The following SLC39A12 variants were observed in gnomAD, a reference collection of about 807,000 sequenced individuals.
SLC39A12 encodes the protein zinc transporter ZIP12.
A neutral mutation model predicts 71.1 loss-of-function variants in SLC39A12; 63 were observed. That is an observed-to-expected ratio of 0.89 (90% CI 0.72 to 1.09). The LOEUF (loss-of-function observed/expected upper bound fraction) is 1.09, where lower values mean the gene tolerates loss of function less well. Ranked by LOEUF, SLC39A12 falls within the 50% of genes least tolerant of loss-of-function variation. SLC39A12 has a pLI of 0.00. For synonymous variants in SLC39A12, 351 were observed against 301.3 expected, an observed-to-expected ratio of 1.16 and a Z score of -1.71; for missense variants, 892 against 812.6, an observed-to-expected ratio of 1.10 and a Z score of -1.19.
chr10:17,966,002 G>T (rs558489864), intron 4 of SLC39A12, among the ~76,000 whole-genome samples: 8 of 152,352 alleles, frequency 5.3e-5, no homozygotes, highest in Non-Finnish European at 1.0e-4. Flanking sequence ...GGGACATAAT[G>T]CTGGGCCAGG....
At chr10:17,958,698 A>G (rs556525705) in intron 2 of SLC39A12, among the ~76,000 whole-genome samples, 2 of 152,304 alleles carry the variant, frequency 1.3e-5, no homozygotes, top group East Asian at 1.9e-4. Flanking sequence ...CACACATTCT[A>G]TGAGTAAACT....
intron 12 of SLC39A12, among the ~76,000 whole-genome samples, chr10:18,031,153 G>T (rs1836837089): frequency 6.8e-6 from 1 of 146,038 alleles, no homozygotes; most frequent in Non-Finnish European, 1.5e-5. Flanking sequence ...AGTCATTTGG[G>T]TATATACCCA....
At chr10:18,001,458 G>A (rs1835831978) in intron 11 of SLC39A12, among the ~76,000 whole-genome samples, 3 of 152,196 alleles carry the variant, frequency 2.0e-5, no homozygotes, top group Admixed American at 6.5e-5. Context: ...AGGTTGCAGT[G>A]AGCTGAGACT....
At chr10:18,029,166 C>A (rs1030777334) in intron 12 of SLC39A12, among the ~76,000 whole-genome samples, 1 of 152,164 alleles carries the variant, frequency 6.6e-6, no homozygotes, top group African/African-American at 2.4e-5. Flanking sequence ...CCACCGTGCC[C>A]AGCCCAAAAC....
At chr10:17,964,993 G>T (rs691563) in intron 3 of SLC39A12, among the ~76,000 whole-genome samples, 32,122 of 152,064 alleles carry the variant, frequency 0.21, 3,592 homozygotes, top group East Asian at 0.35. Context: ...GAACACCTGA[G>T]GTCAGGAGTT....
intron 11 of SLC39A12, among the ~76,000 whole-genome samples, chr10:18,001,347 T>A (rs1835828972): frequency 6.6e-6 from 1 of 152,124 alleles, no homozygotes; most frequent in African/African-American, 2.4e-5. Context: ...AAACCCCGTC[T>A]CTATTAAAAA....
chr10:17,963,126 A>G (rs1452060309), intron 3 of SLC39A12, among the ~76,000 whole-genome samples: 1 of 151,970 alleles, frequency 6.6e-6, no homozygotes, highest in Non-Finnish European at 1.5e-5. Flanking sequence ...GTGTCACTAT[A>G]CTCTACCCTG....
intron 12 of SLC39A12, among the ~76,000 whole-genome samples, chr10:18,003,989 A>G (rs1039865436): frequency 6.6e-6 from 1 of 152,238 alleles, no homozygotes; most frequent in Non-Finnish European, 1.5e-5. Context: ...TAAAATTGCA[A>G]CGTATGTTTC....
chr10:17,965,436 T>A, intron 3 of SLC39A12, 47 bp from the exon 4 acceptor site: 2 of 1,556,282 alleles, frequency 1.3e-6, no homozygotes, highest in Non-Finnish European at 1.8e-6. Flanking sequence ...AGAATCAAAA[T>A]AACTTCAGAT....
intron 2 of SLC39A12, among the ~76,000 whole-genome samples, chr10:17,957,273 T>C (rs1834575153): frequency 6.6e-6 from 1 of 152,184 alleles, no homozygotes; most frequent in South Asian, 2.1e-4. Flanking sequence ...ATTTCAAGGC[T>C]GGGTGAGACC....
intron 12 of SLC39A12, among the ~76,000 whole-genome samples, chr10:18,030,567 T>G (rs1836813635): frequency 6.6e-6 from 1 of 151,954 alleles, no homozygotes; most frequent in Non-Finnish European, 1.5e-5. Context: ...ATTGTCTGCC[T>G]TGAAAACATA....
At chr10:17,952,397 A>C (rs984030643) in intron 1 of SLC39A12, among the ~76,000 whole-genome samples, 1 of 152,124 alleles carries the variant, frequency 6.6e-6, no homozygotes, top group Admixed American at 6.5e-5. Flanking sequence ...GATTCTTAGT[A>C]AACTAAAAAA....
In SLC39A12 at chr10:17,956,109, C is replaced by T. The variant is rs532086860; in HGVS notation, c.261+2572C>T. 1.9e-4 allele frequency among the ~76,000 whole-genome samples: 29 copies of T among 152,160 alleles called. No homozygotes were observed. The South Asian group carries it at 5.4e-3, about 28-fold the overall frequency. ...TCAGGCGCCAGATGTCTGTGAGGGT[C>T]AAATGGATATATATGTGCCCCTGAG... is the stretch of plus-strand genomic sequence containing the variant. On this transcript the variant is annotated intron_variant, in intron 2 of 12. Transcript: ENST00000377369.
At chr10:18,026,217 C>T (rs900795202) in intron 12 of SLC39A12, among the ~76,000 whole-genome samples, 2 of 152,140 alleles carry the variant, frequency 1.3e-5, no homozygotes, top group Non-Finnish European at 2.9e-5. Flanking sequence ...GAATTTTTAA[C>T]ATTTCTCAGA....
At chr10:17,999,327 T>C (rs892544276) in intron 10 of SLC39A12, among the ~76,000 whole-genome samples, 2 of 145,350 alleles carry the variant, frequency 1.4e-5, no homozygotes, top group Non-Finnish European at 3.0e-5. Context: ...AAGGAAGCAT[T>C]ATGCATTCAG....
intron 6 of SLC39A12, among the ~76,000 whole-genome samples, chr10:17,984,613 G>A (rs1468186018): frequency 1.3e-5 from 2 of 152,166 alleles, no homozygotes; most frequent in Middle Eastern, 3.2e-3. Context: ...AAACTTAGTT[G>A]AAGATTTTCA....
chr10:18,021,791 G>T (rs1009981301), intron 12 of SLC39A12, among the ~76,000 whole-genome samples: 2 of 152,102 alleles, frequency 1.3e-5, no homozygotes, highest in Admixed American at 6.6e-5. Flanking sequence ...CTTCCTTAAG[G>T]ACCTCTTGGA....
chr10:18,037,182 T>G (rs1422190393), intron 12 of SLC39A12, among the ~76,000 whole-genome samples: 5 of 152,176 alleles, frequency 3.3e-5, no homozygotes, highest in Admixed American at 3.3e-4. Context: ...TTGCCTGATT[T>G]TCTGTTGGTG....
intron 6 of SLC39A12, among the ~76,000 whole-genome samples, chr10:17,983,321 T>C (rs1038686025): frequency 6.6e-6 from 1 of 151,582 alleles, no homozygotes; most frequent in Admixed American, 6.6e-5. Flanking sequence ...GGAGACCCCA[T>C]CTCTACAAAA....
Sources: gnomAD v4.1 joint callset for allele counts (sites outside exome capture counted in the v4.1 genomes callset) on GRCh38, gnomAD v4.1.1 for gene constraint, MANE v1.5 for transcripts, NCBI Gene and HGNC (gene_info 2026-07-23, HGNC 2026-07-21) for gene names.